The following SCAPER variants were observed in gnomAD, a reference collection of about 807,000 sequenced individuals.
SCAPER encodes the protein S-phase cyclin A associated protein in the ER, also known as S phase cyclin A-associated protein in the endoplasmic reticulum.
SCAPER carries 98 observed loss-of-function variants against 182.2 expected under a neutral mutation model. The observed-to-expected ratio is 0.54, with a 90% CI of 0.46 to 0.64. The LOEUF is 0.64. SCAPER is among the 30% of genes least tolerant of loss of function. SCAPER has a pLI of 0.00. For missense variants in SCAPER, 1,432 were observed against 1,690.0 expected (o/e 0.85, Z 2.68); for synonymous variants, 605 against 564.6 (o/e 1.07, Z -1.01).
intron 15 of SCAPER, among the ~76,000 whole-genome samples, chr15:76,744,086 A>G (rs2151131056): frequency 6.6e-6 from 1 of 152,350 alleles, no homozygotes; most frequent in Non-Finnish European, 1.5e-5. Context: ...GGTTAACTAT[A>G]TGCAGAACAA....
At chr15:76,640,825 G>C (rs1267837403) in intron 21 of SCAPER, among the ~76,000 whole-genome samples, 1 of 152,166 alleles carries the variant, frequency 6.6e-6, no homozygotes, top group Non-Finnish European at 1.5e-5. Context: ...TGCCAGGTTG[G>C]ACTGCCAGAA....
intron 7 of SCAPER, among the ~76,000 whole-genome samples, chr15:76,798,012 G>A (rs1414631141): frequency 3.3e-5 from 5 of 150,928 alleles, no homozygotes; most frequent in Non-Finnish European, 5.9e-5. Context: ...CAGGAAGCCC[G>A]GACATTGGGC....
intron 14 of SCAPER, among the ~76,000 whole-genome samples, chr15:76,762,777 T>A (rs1489056055): frequency 1.3e-5 from 2 of 152,132 alleles, no homozygotes; most frequent in Non-Finnish European, 2.9e-5. Flanking sequence ...GCCTCCCAGG[T>A]AGCTGGGACT....
intron 24 of SCAPER, among the ~76,000 whole-genome samples, chr15:76,493,196 G>C (rs2052500485): frequency 6.6e-6 from 1 of 152,102 alleles, no homozygotes; most frequent in Non-Finnish European, 1.5e-5. Flanking sequence ...TTTGCATCAA[G>C]TCAATATAAC....
At chr15:76,718,249 C>T (rs2059996213) in intron 17 of SCAPER, among the ~76,000 whole-genome samples, 1 of 151,990 alleles carries the variant, frequency 6.6e-6, no homozygotes, top group Non-Finnish European at 1.5e-5. Flanking sequence ...CGCAACACAG[C>T]AAAATCTATG....
chr15:76,525,304 C>T (rs2043118597), intron 23 of SCAPER, among the ~76,000 whole-genome samples: 2 of 152,010 alleles, frequency 1.3e-5, no homozygotes, highest in African/African-American at 2.4e-5. Context: ...AATTATATGC[C>T]GTCCTACTAT....
chr15:76,368,565 G>A (rs940223577), intron 29 of SCAPER, among the ~76,000 whole-genome samples: 2 of 152,176 alleles, frequency 1.3e-5, no homozygotes, highest in East Asian at 3.8e-4. Context: ...GTTCTGATCC[G>A]CCCAGAAGCT....
At chr15:76,559,316 A>G (rs1228628399) in intron 23 of SCAPER, among the ~76,000 whole-genome samples, 1 of 148,736 alleles carries the variant, frequency 6.7e-6, no homozygotes, top group Non-Finnish European at 1.5e-5. Flanking sequence ...TTGGCTTCCC[A>G]AAGTGCTGGG....
At chr15:76,686,600 T>C (rs1347848221) in intron 20 of SCAPER, among the ~76,000 whole-genome samples, 3 of 152,088 alleles carry the variant, frequency 2.0e-5, no homozygotes, top group African/African-American at 7.2e-5. Flanking sequence ...GTGGTATGTA[T>C]AGGAATGTTA....
chr15:76,524,689 G>GTTTTTTTTTTTTTTTCTT (rs2043059832), intron 23 of SCAPER, among the ~76,000 whole-genome samples: 1 of 50,116 alleles, frequency 2.0e-5, no homozygotes, highest in Non-Finnish European at 3.5e-5. Context: ...TTTTTGTTCT[G>GTTTTTTTTTTTTTTTCTT]TTTTTTTTTT....
intron 26 of SCAPER, among the ~76,000 whole-genome samples, chr15:76,413,323 GTTTA>G (rs1172224454): frequency 1.3e-5 from 2 of 152,146 alleles, no homozygotes; most frequent in Admixed American, 1.3e-4. Flanking sequence ...AAGGAAAAGT[GTTTA>G]TTATTATGTA....
At chr15:76,394,763 T>A (rs951670639) in intron 27 of SCAPER, among the ~76,000 whole-genome samples, 1 of 152,214 alleles carries the variant, frequency 6.6e-6, no homozygotes, top group Non-Finnish European at 1.5e-5. Flanking sequence ...GATATTTTGA[T>A]ACGAGCATGC....
intron 21 of SCAPER, among the ~76,000 whole-genome samples, chr15:76,622,071 G>A (rs1405564308): frequency 3.3e-5 from 5 of 152,126 alleles, no homozygotes; most frequent in Non-Finnish European, 7.4e-5. Context: ...GAAATAACGT[G>A]ACCAGACTCT....
intron 21 of SCAPER, among the ~76,000 whole-genome samples, chr15:76,658,698 C>A (rs2055874549): frequency 6.6e-6 from 1 of 152,128 alleles, no homozygotes; most frequent in Admixed American, 6.5e-5. Flanking sequence ...ACCAAAACAG[C>A]ATGGTACTGG....
chr15:76,382,726 A>G (rs921372742), intron 27 of SCAPER, among the ~76,000 whole-genome samples: 2 of 152,100 alleles, frequency 1.3e-5, no homozygotes, highest in Non-Finnish European at 2.9e-5. Flanking sequence ...CTGGCTGTTG[A>G]GCATCACTCA....
intron 14 of SCAPER, among the ~76,000 whole-genome samples, chr15:76,758,662 T>G (rs3102716): frequency 0.15 from 23,348 of 152,064 alleles, 2,023 homozygotes; most frequent in African/African-American, 0.24. Context: ...ACTGAAATTG[T>G]AGATCACTTA....
chr15:76,771,903 T>C lies in SCAPER; in HGVS notation c.1087A>G (p.Asn363Asp), dbSNP rs369146828. The C allele has an allele frequency of 6.2e-7, 1 of 1,612,692 alleles. No homozygotes were observed. The highest frequency in any genetic ancestry group is 8.5e-7 in the Non-Finnish European group (1 of 1,179,354). Residue 363 changes from asparagine to aspartate, a missense_variant, in exon 10 of 32, where the codon AAT (asparagine) becomes GAT (aspartate). Coordinates refer to ENST00000563290, the MANE Select transcript of SCAPER (RefSeq NM_020843.4). ...DVKNSGSIRD[N>D]YVRTSEISAV... is the part of the protein sequence containing the mutation. ...GATATTTCAGAAGTTCGAACATAATTGTCTCGAATACTGCCAGAATTCTTC... is the reference window on the plus strand; with the variant it reads ...GATATTTCAGAAGTTCGAACATAATCGTCTCGAATACTGCCAGAATTCTTC...
intron 2 of SCAPER, among the ~76,000 whole-genome samples, chr15:76,875,514 G>A (rs1384479259): frequency 1.3e-5 from 2 of 152,132 alleles, no homozygotes; most frequent in South Asian, 2.1e-4. Context: ...GTGGTGGTAC[G>A]CGCCTGTAAT....
rs562763119 is a variant in SCAPER at position 76,422,164 on chromosome 15, T to C, written c.3311+11914A>G. Among the ~76,000 whole-genome samples the C allele has an allele frequency of 6.2e-4, 95 of 152,306 alleles. 2 individuals are homozygous for C. In the South Asian group the frequency reaches 0.012, roughly 19 times the overall value. ...TTTCCAATTCTGTGAAGAAAGTCAC[T>C]GGTAGCTTGATGGGGATGGCATTGA... On this transcript the variant is annotated intron_variant, in intron 26 of 31. Transcript: ENST00000563290.
Sources: allele counts gnomAD v4.1 joint callset (sites outside exome capture counted in the v4.1 genomes callset), GRCh38; gene constraint gnomAD v4.1.1; transcripts MANE v1.5; gene names NCBI Gene and HGNC (gene_info 2026-07-23, HGNC 2026-07-21).